QTRT1: variants seen among roughly 807,000 people sequenced by gnomAD.
QTRT1 encodes TGT, 43-KD subunit.
QTRT1 carries 41 observed loss-of-function variants against 44.0 expected under a neutral mutation model. The observed-to-expected ratio is 0.93, with a 90% CI of 0.73 to 1.21. The LOEUF is 1.21. Ranked by LOEUF, QTRT1 falls within the 50% of genes most tolerant of loss-of-function variation. The pLI is 0.00. For synonymous variants in QTRT1, 226 were observed against 237.1 expected (o/e 0.95, Z 0.43); for missense variants, 542 against 575.8 (o/e 0.94, Z 0.60).
intron 3 of QTRT1, among the ~76,000 whole-genome samples, chr19:10,704,378 C>T (rs2068703104): frequency 6.6e-6 from 1 of 151,986 alleles, no homozygotes; most frequent in Non-Finnish European, 1.5e-5. Flanking sequence ...ACTGCAAGCT[C>T]CGCCTCCTGG....
rs758243489 is a variant in QTRT1, at chr19:10,701,523, C to T, written c.63C>T (p.Ala21=). 87 of 1,593,904 alleles carry T rather than the reference C, an allele frequency of 5.5e-5. No individual in the cohort carries two copies. Among genetic ancestry groups the T allele is most frequent in the Non-Finnish European group, 7.4e-5 (87 of 1,168,794 alleles). ...CCCCACGGATCATGCGGCTGGTGGC[C>T]GAATGCAGCCGCTCCAGGGCCCGGG... ...ESAPRIMRLV[A]ECSRSRARAG... Residue 21 remains alanine (A), a synonymous_variant, in exon 1 of 10, where the codon GCC becomes GCT. Transcript: ENST00000250237.
chr19:10,712,606 G>A lies in QTRT1; in HGVS notation c.839G>A (p.Cys280Tyr). The A allele has an allele frequency of 6.2e-7, 1 of 1,613,082 alleles. No individual in the cohort carries two copies. Among genetic ancestry groups the A allele is most frequent in the Non-Finnish European group, 8.5e-7 (1 of 1,179,792 alleles). The part of the protein sequence containing the change: ...CVALGCDMFD[C>Y]VFPTRTARFG... ...GCTCTTGGATGTGACATGTTCGACT[G>A]CGTCTTCCCCACACGGACAGCGGTG... is the stretch of plus-strand genomic sequence containing the variant. Residue 280 changes from cysteine (C) to tyrosine (Y), a missense_variant, in exon 7 of 10, where the codon TGC becomes TAC. By Grantham distance (194) the Cys-to-Tyr change is radical (BLOSUM62 -2). Coordinates refer to ENST00000250237, the MANE Select transcript of QTRT1 (RefSeq NM_031209.3). The surrounding 1 kb of genome is among the most constrained non-coding windows in gnomAD (Gnocchi z 5.6).
At position 10,712,499 on chromosome 19, in the gene QTRT1, C is replaced by A; in HGVS notation, c.786-54C>A. ...GGGGCAGTGTGAGGGTTGGGAGGGG[C>A]CCTGGGAAGCCCCTGAGGTTCTCTG... On this transcript the variant is annotated intron_variant, in intron 6 of 9. Coordinates refer to ENST00000250237, the MANE Select transcript of QTRT1 (RefSeq NM_031209.3). The surrounding 1 kb of genome is among the most constrained non-coding windows in gnomAD (Gnocchi z 5.6). The A allele has an allele frequency of 6.5e-7, 1 of 1,529,600 alleles. No homozygotes were observed. Among genetic ancestry groups the A allele is most frequent in the Non-Finnish European group, 9.1e-7 (1 of 1,104,040 alleles). 94.8% of individuals were successfully genotyped at this position (1,529,600 alleles called of 1,614,324 possible).
Position 10,712,118 on chromosome 19 carries a change from G to T in QTRT1, c.647-43G>T, listed in dbSNP as rs181941332. On this transcript the variant is annotated intron_variant, in intron 5 of 9. Transcript: ENST00000250237. The surrounding 1 kb of genome is among the most constrained non-coding windows in gnomAD (Gnocchi z 5.6). ...TGTGTTCTGGGATTGAAGACCAGGC[G>T]CATTTCCTCTTCTGTGGCCCTCACC... The T allele has an allele frequency of 4.4e-6, 7 of 1,609,078 alleles. No homozygotes were observed. The Admixed American group carries it at 6.7e-5, about 15-fold the overall frequency.
In QTRT1 at chr19:10,712,009, C is replaced by T. The variant is rs2068740641; in HGVS notation, c.647-152C>T. 2 of 925,142 alleles carry T rather than the reference C, an allele frequency of 2.2e-6. No homozygotes were observed. The highest frequency in any genetic ancestry group is 3.4e-6 in the Non-Finnish European group (2 of 596,260). The allele number at this position is 925,142 out of a possible 1,614,324, so 57.3% of individuals were successfully genotyped here. On this transcript the variant is annotated intron_variant, in intron 5 of 9. Coordinates refer to ENST00000250237, the MANE Select transcript of QTRT1 (RefSeq NM_031209.3). This position sits in a 1 kb window ranked among gnomAD's most constrained non-coding sequence, Gnocchi z 5.6. ...CTCTCCTCTGTCTCCCTCTCCGTCTCCCTCTCCGTCTCTGGCTCTGTCTGT... is the reference window on the plus strand; with the variant it reads ...CTCTCCTCTGTCTCCCTCTCCGTCTTCCTCTCCGTCTCTGGCTCTGTCTGT...
At chr19:10,703,236 T>G (rs2145618212) in intron 3 of QTRT1, among the ~76,000 whole-genome samples, 1 of 151,748 alleles carries the variant, frequency 6.6e-6, no homozygotes. Flanking sequence ...CTAATTTTTG[T>G]ATTTTTTGTA....
At chr19:10,709,793 G>T (rs1436142272) in intron 5 of QTRT1, among the ~76,000 whole-genome samples, 2 of 151,992 alleles carry the variant, frequency 1.3e-5, no homozygotes, top group Non-Finnish European at 2.9e-5. Flanking sequence ...AGCTTGCAGT[G>T]AGCCGAGATT....
intron 5 of QTRT1, among the ~76,000 whole-genome samples, chr19:10,710,815 C>T (rs1013462567): frequency 2.0e-5 from 3 of 148,816 alleles, no homozygotes; most frequent in Non-Finnish European, 4.4e-5. Context: ...CCCAGCTACT[C>T]GGGGGGCTGA....
Position 10,713,274 on chromosome 19 carries a change from G to C in QTRT1, c.*4G>C, listed in dbSNP as rs2068748589. Reference sequence around the variant, plus strand: ...TGTGGGAATCACACTGGGCTGACCTGGCATTGGGAGAGGGAGGGAGGAAGG... The same window carrying C: ...TGTGGGAATCACACTGGGCTGACCTCGCATTGGGAGAGGGAGGGAGGAAGG... On this transcript the variant is annotated 3_prime_UTR_variant, in exon 10 of 10. Transcript: ENST00000250237. The surrounding 1 kb of genome is among the most constrained non-coding windows in gnomAD (Gnocchi z 4.3). 6.3e-7 allele frequency: 1 copy of C among 1,582,792 alleles called. No individual in the cohort carries two copies. Among genetic ancestry groups the C allele is most frequent in the East Asian group, 2.2e-5 (1 of 44,644 alleles).
Position 10,713,225 on chromosome 19 carries a change from C to G in QTRT1, c.1167C>G (p.Thr389=), listed in dbSNP as rs748357640. The change falls in exon 10 of 10, where the codon ACC becomes ACG. Residue 389 remains threonine (T), a synonymous_variant. Coordinates refer to ENST00000250237, the MANE Select transcript of QTRT1 (RefSeq NM_031209.3). This position sits in a 1 kb window ranked among gnomAD's most constrained non-coding sequence, Gnocchi z 4.3. ...ACGGGGATCCCACCCTCTGTCCCAC[C>G]TGGGCCACTGACGCTCTGGCCTCTG... is the stretch of plus-strand genomic sequence containing the variant. The part of the protein sequence containing the change: ...AMYGDPTLCP[T]WATDALASVG... The G allele has an allele frequency of 3.3e-5, 53 of 1,605,148 alleles. No homozygotes were observed. In the East Asian group the frequency reaches 1.2e-3, roughly 36 times the overall value.
intron 5 of QTRT1, 52 bp downstream of exon 5, chr19:10,707,667 C>T (rs2068720787): frequency 1.5e-6 from 2 of 1,357,524 alleles, no homozygotes; most frequent in Non-Finnish European, 2.0e-6. Flanking sequence ...GAGGTCCCCA[C>T]ATGGGCCTGG....
At chr19:10,705,800 T>G (rs2068710751) in intron 3 of QTRT1, among the ~76,000 whole-genome samples, 1 of 147,622 alleles carries the variant, frequency 6.8e-6, no homozygotes, top group South Asian at 2.2e-4. Flanking sequence ...CCTCCCAAAG[T>G]GCTGGGGTTA....
intron 3 of QTRT1, 90 bp downstream of exon 3, chr19:10,702,344 T>C (rs2068694167): frequency 6.9e-7 from 1 of 1,443,258 alleles, no homozygotes; most frequent in South Asian, 1.3e-5. Flanking sequence ...TGTGTGGCTT[T>C]GAGCAGGTCA....
intron 5 of QTRT1, chr19:10,709,200 A>G (rs2068727805): frequency 6.6e-6 from 1 of 152,234 alleles, no homozygotes; most frequent in South Asian, 2.1e-4. Context: ...TAGTGGTTTA[A>G]GCTCTGCAAG....
At chr19:10,705,544 T>A (rs1407102102) in intron 3 of QTRT1, among the ~76,000 whole-genome samples, 1 of 151,634 alleles carries the variant, frequency 6.6e-6, no homozygotes, top group Admixed American at 6.6e-5. Flanking sequence ...TGCCCCTTTT[T>A]TTCTTTTTTG....
chr19:10,702,038 G>C lies in QTRT1; in HGVS notation c.312+20G>C. The C allele has an allele frequency of 6.2e-7, 1 of 1,614,152 alleles. No individual in the cohort carries two copies. The stretch of plus-strand genomic sequence containing the variant: ...CTAACGGTGAGCTGAGGAGAGAGCC[G>C]ACGTTCTAGGGCCCTTCTCTGGAGT... On this transcript the variant is annotated intron_variant, in intron 2 of 9. Coordinates refer to ENST00000250237, the MANE Select transcript of QTRT1 (RefSeq NM_031209.3).
chr19:10,709,291 C>T (rs11085744), intron 5 of QTRT1: 89,795 of 152,050 alleles, frequency 0.59, 26,896 homozygotes, highest in African/African-American at 0.66. Context: ...GTCCTCAGAG[C>T]GAAAGTCTAA....
rs944404787 is a variant in QTRT1, at chr19:10,713,051, G to T, written c.1059+11G>T. 1.2e-6 allele frequency: 2 copies of T among 1,610,320 alleles called. No individual in the cohort carries two copies. Among genetic ancestry groups the T allele is most frequent in the Non-Finnish European group, 8.5e-7 (1 of 1,179,874 alleles). On this transcript the variant is annotated intron_variant, in intron 9 of 9. Coordinates refer to ENST00000250237, the MANE Select transcript of QTRT1 (RefSeq NM_031209.3). The surrounding 1 kb of genome is among the most constrained non-coding windows in gnomAD (Gnocchi z 4.3). ...AACATCGCCTACCAGGTGAGCCAGT[G>T]CCCGGGGCAAGGTGGGCGGGGGTGT...
At chr19:10,702,283 T>C (rs954647771) in intron 3 of QTRT1, 29 bp downstream of exon 3, 9 of 1,606,472 alleles carry the variant, frequency 5.6e-6, no homozygotes, top group Non-Finnish European at 7.7e-6. Context: ...GCCGCCTCCT[T>C]ACCCTGTCTG....
Sources: allele counts gnomAD v4.1 joint callset (sites outside exome capture counted in the v4.1 genomes callset), GRCh38; gene constraint gnomAD v4.1.1; non-coding constraint Gnocchi (gnomAD v3.1); transcripts MANE v1.5; gene names NCBI Gene and HGNC (gene_info 2026-07-23, HGNC 2026-07-21).